The following DYNLRB1 variants were observed in gnomAD, a reference collection of about 807,000 sequenced individuals.
The protein encoded by DYNLRB1 is dynein light chain roadblock-type 1.
A neutral mutation model predicts 13.5 loss-of-function variants in DYNLRB1; 6 were observed. The ratio of observed to expected loss-of-function variants is 0.44; its 90% CI spans 0.24 to 0.88. DYNLRB1 has a LOEUF of 0.88. DYNLRB1 is among the 40% of genes least tolerant of loss of function. The probability of loss-of-function intolerance (pLI) is 0.21; values close to 1 mark genes in which losing one functional copy is unlikely to be tolerated. For synonymous variants in DYNLRB1, 43 were observed against 45.0 expected, an observed-to-expected ratio of 0.96 and a Z score of 0.18; for missense variants, 93 against 127.2, an observed-to-expected ratio of 0.73 and a Z score of 1.29.
chr20:34,537,415 G>A (rs1394588233), intron 3 of DYNLRB1, among the ~76,000 whole-genome samples: 1 of 152,270 alleles, frequency 6.6e-6, no homozygotes, highest in East Asian at 1.9e-4. Context: ...CACATAGTAA[G>A]CATCTAGCAA....
At chr20:34,530,353 G>GT in intron 2 of DYNLRB1, 1 of 922,274 alleles carries the variant, frequency 1.1e-6, no homozygotes, top group Non-Finnish European at 1.3e-6. Context: ...CAGCTATGTG[G>GT]TTTTGGGCAT....
intron 2 of DYNLRB1, among the ~76,000 whole-genome samples, chr20:34,531,528 G>C (rs983711724): frequency 5.3e-5 from 8 of 152,216 alleles, no homozygotes; most frequent in African/African-American, 1.9e-4. Context: ...GAGTGAGCCA[G>C]TAGATGTTTA....
rs1428977889 is a variant in DYNLRB1, at chr20:34,526,166, T to A, written c.4-102T>A. 5 of 1,294,680 alleles carry A rather than the reference T, an allele frequency of 3.9e-6. No individual in the cohort carries two copies. In the Admixed American group the frequency reaches 9.2e-5, roughly 24 times the overall value. The allele number at this position is 1,294,680 out of a possible 1,614,324, so 80.2% of individuals were successfully genotyped here. A position where few individuals can be genotyped will look rare whatever the true frequency, so the allele number is the denominator to read the frequency against. ...GTGTGCCAGGTGCCTGAGTATTACT[T>A]GTTTGTTGTTGGAAGACAAACGTAT... is the stretch of plus-strand genomic sequence containing the variant. On this transcript the variant is annotated intron_variant, in intron 1 of 3. Transcript: ENST00000357156.
intron 2 of DYNLRB1, chr20:34,531,135 G>A (rs1275643380): frequency 6.6e-6 from 1 of 152,236 alleles, no homozygotes; most frequent in Non-Finnish European, 1.5e-5. Context: ...GCAAAGATTG[G>A]TCTCTTGTGT....
intron 2 of DYNLRB1, among the ~76,000 whole-genome samples, chr20:34,527,178 G>A (rs995045618): frequency 1.3e-5 from 2 of 152,174 alleles, no homozygotes; most frequent in African/African-American, 2.4e-5. Flanking sequence ...ATCCAAGCCC[G>A]TCTGAGTGCG....
chr20:34,535,134 T>C, intron 3 of DYNLRB1: 3 of 984,906 alleles, frequency 3.0e-6, no homozygotes, highest in Non-Finnish European at 3.6e-6. Context: ...CTGCAAAAGC[T>C]TCCCAGAAGA....
intron 1 of DYNLRB1, among the ~76,000 whole-genome samples, chr20:34,521,955 T>C (rs1184389144): frequency 2.0e-5 from 3 of 152,010 alleles, no homozygotes; most frequent in Non-Finnish European, 4.4e-5. Flanking sequence ...GGAGGATCAC[T>C]TGAGCCTGGG....
intron 1 of DYNLRB1, among the ~76,000 whole-genome samples, chr20:34,524,470 C>T (rs1282934997): frequency 2.0e-5 from 3 of 152,144 alleles, no homozygotes. Flanking sequence ...TACTTTGGTC[C>T]ATGATGAATT....
intron 1 of DYNLRB1, among the ~76,000 whole-genome samples, chr20:34,521,525 G>A (rs1440827700): frequency 6.6e-6 from 1 of 152,034 alleles, no homozygotes; most frequent in Non-Finnish European, 1.5e-5. Context: ...TTATACAGAA[G>A]TTTTATGTTT....
In DYNLRB1 at chr20:34,530,010, C is replaced by T. The variant is rs971894419; in HGVS notation, c.79+3667C>T. ...TCCAGGGAATCTCTTTTGGGCACTT[C>T]TTGCTCTAAGACCTGAAAGACTTTT... On this transcript the variant is annotated intron_variant, in intron 2 of 3. Coordinates refer to ENST00000357156, the MANE Select transcript of DYNLRB1 (RefSeq NM_014183.4). The T allele has an allele frequency of 7.1e-6, 9 of 1,273,522 alleles. 1 individual carries two copies. In the South Asian group the frequency reaches 1.3e-4, roughly 19 times the overall value. The allele number at this position is 1,273,522 out of a possible 1,614,324, so 78.9% of individuals were successfully genotyped here.
intron 3 of DYNLRB1, chr20:34,535,680 G>A: frequency 1.0e-6 from 1 of 985,370 alleles, no homozygotes; most frequent in Non-Finnish European, 1.2e-6. Flanking sequence ...TGCGCGTGAT[G>A]GTGCACTCCC....
intron 2 of DYNLRB1, among the ~76,000 whole-genome samples, chr20:34,529,091 T>G (rs941697384): frequency 3.3e-5 from 5 of 151,988 alleles, no homozygotes; most frequent in Non-Finnish European, 5.9e-5. Context: ...TGGGTGGAAG[T>G]GGTACAGCAG....
chr20:34,533,188 A>C (rs1980846670), intron 2 of DYNLRB1, among the ~76,000 whole-genome samples: 1 of 152,174 alleles, frequency 6.6e-6, no homozygotes, highest in African/African-American at 2.4e-5. Context: ...CATCTCAAGG[A>C]AACAGTCCTC....
At chr20:34,539,108 C>T (rs1981393258) in intron 3 of DYNLRB1, among the ~76,000 whole-genome samples, 2 of 152,144 alleles carry the variant, frequency 1.3e-5, no homozygotes, top group South Asian at 4.1e-4. Flanking sequence ...ATTAACAAGC[C>T]ACTGATAAAA....
chr20:34,523,096 G>A lies in DYNLRB1; in HGVS notation c.4-3172G>A, dbSNP rs190427236. 2.0e-3 allele frequency among the ~76,000 whole-genome samples: 306 copies of A among 152,248 alleles called. 2 individuals carry two copies. The highest frequency in any genetic ancestry group is 2.6e-3 in the African/African-American group (110 of 41,552). On this transcript the variant is annotated intron_variant, in intron 1 of 3. Coordinates refer to ENST00000357156, the MANE Select transcript of DYNLRB1 (RefSeq NM_014183.4). ...GTGGTCAGTGCTGCGAAGGCTGGGG[G>A]CCTCGGTGCCCAGTAGAGGGGCTGA...
chr20:34,537,953 C>G (rs1480691274), intron 3 of DYNLRB1, among the ~76,000 whole-genome samples: 1 of 150,650 alleles, frequency 6.6e-6, no homozygotes, highest in Non-Finnish European at 1.5e-5. Flanking sequence ...ACATTCACCC[C>G]ACCCTGGCCC....
chr20:34,521,731 C>T (rs919834907), intron 1 of DYNLRB1, among the ~76,000 whole-genome samples: 10 of 152,280 alleles, frequency 6.6e-5, no homozygotes, highest in Admixed American at 6.5e-4. Flanking sequence ...TCTTTCTCAT[C>T]ATTTGATTCT....
intron 2 of DYNLRB1, among the ~76,000 whole-genome samples, chr20:34,532,637 C>T (rs1228311264): frequency 2.0e-5 from 3 of 152,210 alleles, no homozygotes; most frequent in Non-Finnish European, 4.4e-5. Flanking sequence ...TAGAGCAAGG[C>T]TTTGCGGGGC....
chr20:34,528,712 C>T (rs1005875373), intron 2 of DYNLRB1, among the ~76,000 whole-genome samples: 12 of 152,110 alleles, frequency 7.9e-5, no homozygotes, highest in Non-Finnish European at 1.3e-4. Flanking sequence ...GTTGCTCACA[C>T]CTGTTCTCAG....
Sources: allele counts gnomAD v4.1 joint callset (sites outside exome capture counted in the v4.1 genomes callset), GRCh38; gene constraint gnomAD v4.1.1; transcripts MANE v1.5; gene names NCBI Gene and HGNC (gene_info 2026-07-23, HGNC 2026-07-21).